Variants in PDE4D observed in about 807,000 individuals in gnomAD.
PDE4D encodes the protein 3',5'-cyclic-AMP phosphodiesterase 4D.
PDE4D carries 24 observed loss-of-function variants against 87.4 expected under a neutral mutation model. The ratio of observed to expected loss-of-function variants is 0.27; its 90% confidence interval spans 0.20 to 0.39. The LOEUF (loss-of-function observed/expected upper bound fraction) is 0.39. PDE4D is among the 10% of genes least tolerant of loss of function. PDE4D has a pLI of 1.00. For missense variants in PDE4D, 714 were observed against 1,041.0 expected, an observed-to-expected ratio of 0.69 and a Z score of 4.32; for synonymous variants, 384 against 383.2, an observed-to-expected ratio of 1.00 and a Z score of -0.02.
chr5:59,488,473 C>T (rs910809041), intron 1 of PDE4D, among the ~76,000 whole-genome samples: 2 of 152,136 alleles, frequency 1.3e-5, no homozygotes, highest in African/African-American at 4.8e-5. Flanking sequence ...TTAATAGGGA[C>T]ACTTCTCTTT....
chr5:59,652,039 CT>C, intron 1 of PDE4D, among the ~76,000 whole-genome samples: 1 of 152,346 alleles, frequency 6.6e-6, no homozygotes, highest in East Asian at 1.9e-4. Context: ...GGCATGCCAG[CT>C]TCGGAACTGT....
chr5:60,279,154 G>C (rs937464133), intron 1 of PDE4D, among the ~76,000 whole-genome samples: 2 of 152,102 alleles, frequency 1.3e-5, no homozygotes, highest in African/African-American at 4.8e-5. Context: ...TATTACTGCT[G>C]GGTGAAGGTG....
intron 2 of PDE4D, among the ~76,000 whole-genome samples, chr5:60,113,742 CTT>C (rs907219299): frequency 6.6e-6 from 1 of 152,138 alleles, no homozygotes; most frequent in African/African-American, 2.4e-5. Flanking sequence ...TCTTATCTCT[CTT>C]GTGTCTTCAA....
At chr5:59,760,751 T>C (rs987348098) in intron 1 of PDE4D, among the ~76,000 whole-genome samples, 1 of 152,222 alleles carries the variant, frequency 6.6e-6, no homozygotes. Flanking sequence ...ATGGTTAATG[T>C]TTTCAAAGTA....
At chr5:59,995,404 C>T (rs545597307) in intron 2 of PDE4D, among the ~76,000 whole-genome samples, 4 of 151,040 alleles carry the variant, frequency 2.6e-5, no homozygotes, top group East Asian at 2.0e-4. Context: ...CTGCAACCCT[C>T]GCCTTCCAAG....
chr5:60,047,384 T>C (rs987751301), intron 2 of PDE4D, among the ~76,000 whole-genome samples: 34 of 152,086 alleles, frequency 2.2e-4, no homozygotes, highest in Admixed American at 1.3e-3. Flanking sequence ...CTGCTCTGAT[T>C]TTAGTTATTT....
intron 5 of PDE4D, among the ~76,000 whole-genome samples, chr5:59,065,777 A>G (rs1763834897): frequency 6.6e-6 from 1 of 152,188 alleles, no homozygotes; most frequent in African/African-American, 2.4e-5. Flanking sequence ...TCACATCGGC[A>G]TTTGGAAGTT....
chr5:59,542,532 C>T (rs1200587499), intron 1 of PDE4D, among the ~76,000 whole-genome samples: 4 of 152,280 alleles, frequency 2.6e-5, no homozygotes, highest in South Asian at 2.1e-4. Flanking sequence ...TGAAAAAGTT[C>T]CACAATTGTT....
intron 1 of PDE4D, among the ~76,000 whole-genome samples, chr5:59,430,937 T>C (rs1395669567): frequency 6.6e-6 from 1 of 152,156 alleles, no homozygotes; most frequent in African/African-American, 2.4e-5. Flanking sequence ...GAAAATGAGA[T>C]GGGTATATGG....
chr5:59,244,990 A>T (rs1758561762), intron 1 of PDE4D, among the ~76,000 whole-genome samples: 1 of 152,010 alleles, frequency 6.6e-6, no homozygotes, highest in Admixed American at 6.6e-5. Flanking sequence ...TTTGTCCACA[A>T]TGAACATGTG....
rs755149616 is a variant in PDE4D, at chr5:58,974,670, G to A, written c.2424C>T (p.Asp808=). The change falls in exon 15 of 15, where the codon GAC becomes GAT. Residue 808 remains aspartate, a synonymous_variant. Transcript: ENST00000340635. ...EACVIDDRSP[D]T is the part of the protein sequence containing the mutation. ...CATGAAAGTTTTTGCACTGTTACGT[G>A]TCAGGAGAACGATCATCTATGACAC... 3 of 1,560,450 alleles carry A rather than the reference G, an allele frequency of 1.9e-6. No homozygotes were observed. The highest frequency in any genetic ancestry group is 2.6e-6 in the Non-Finnish European group (3 of 1,153,208).
intron 3 of PDE4D, among the ~76,000 whole-genome samples, chr5:59,945,288 G>A (rs1054179119): frequency 2.0e-5 from 3 of 152,134 alleles, no homozygotes; most frequent in African/African-American, 4.8e-5. Context: ...ATTTACTGTT[G>A]ACTAAAACAT....
intron 1 of PDE4D, among the ~76,000 whole-genome samples, chr5:59,322,914 A>G (rs1774971419): frequency 6.6e-6 from 1 of 152,158 alleles, no homozygotes; most frequent in African/African-American, 2.4e-5. Context: ...ATGAGCAAGA[A>G]GCAAATGTCA....
At chr5:59,890,943 A>T (rs1043961936) in intron 1 of PDE4D, among the ~76,000 whole-genome samples, 8 of 152,258 alleles carry the variant, frequency 5.3e-5, no homozygotes, top group African/African-American at 1.9e-4. Flanking sequence ...ACTAATATCC[A>T]TGTCCTCCTT....
chr5:60,071,164 T>C (rs1345638979), intron 2 of PDE4D, among the ~76,000 whole-genome samples: 1 of 152,038 alleles, frequency 6.6e-6, no homozygotes, highest in African/African-American at 2.4e-5. Flanking sequence ...TTTTTTTCTA[T>C]TATTTTTGAA....
chr5:59,091,616 G>A (rs547493424), intron 5 of PDE4D, among the ~76,000 whole-genome samples: 7 of 152,104 alleles, frequency 4.6e-5, no homozygotes, highest in South Asian at 4.2e-4. Context: ...GCATACATAC[G>A]TGGTAAATCA....
chr5:59,772,856 A>AT (rs755014402), intron 1 of PDE4D, among the ~76,000 whole-genome samples: 1 of 152,216 alleles, frequency 6.6e-6, no homozygotes. Flanking sequence ...GTATGGGTTA[A>AT]TTTTAGAAAT....
intron 1 of PDE4D, among the ~76,000 whole-genome samples, chr5:59,784,907 G>GTTTT (rs151144782): frequency 4.6e-5 from 7 of 151,976 alleles, no homozygotes; most frequent in African/African-American, 1.7e-4. Context: ...CTTTTTCATG[G>GTTTT]TTTTTCTCTC....
At chr5:59,461,424 G>T (rs1291015231) in intron 1 of PDE4D, among the ~76,000 whole-genome samples, 1 of 151,874 alleles carries the variant, frequency 6.6e-6, no homozygotes, top group Admixed American at 6.6e-5. Context: ...AATTAAATCA[G>T]GTTCTCTTTA....
Sources: allele counts gnomAD v4.1 joint callset (sites outside exome capture counted in the v4.1 genomes callset), GRCh38; gene constraint gnomAD v4.1.1; transcripts MANE v1.5; gene names NCBI Gene and HGNC (gene_info 2026-07-23, HGNC 2026-07-21).